PLIN3: variants seen among roughly 807,000 people sequenced by gnomAD.
The protein encoded by PLIN3 is perilipin 3, also known as perilipin-3.
Under a neutral mutation model 35.9 loss-of-function variants are expected in PLIN3, and 30 were observed. The ratio of observed to expected loss-of-function variants is 0.84; its 90% confidence interval spans 0.62 to 1.13. PLIN3 has a LOEUF of 1.13. PLIN3 is among the 50% of genes most tolerant of loss of function. PLIN3 has a pLI of 0.00. For synonymous variants in PLIN3, 261 were observed against 262.5 expected, an observed-to-expected ratio of 0.99 and a Z score of 0.06; for missense variants, 603 against 596.9, an observed-to-expected ratio of 1.01 and a Z score of -0.11.
chr19:4,844,695 G>A lies in PLIN3; in HGVS notation c.933C>T (p.Gly311=). 6.2e-7 allele frequency: 1 copy of A among 1,609,550 alleles called. No homozygotes were observed. Among genetic ancestry groups the A allele is most frequent in the African/African-American group, 1.3e-5 (1 of 74,938 alleles). ...CTGGCTTGGGCGGCTCCTTCTCGGGGCCCTGGAGCTGCTTCTGGTTCCAGC... is the reference window on the plus strand; with the variant it reads ...CTGGCTTGGGCGGCTCCTTCTCGGGACCCTGGAGCTGCTTCTGGTTCCAGC... ...WLSWNQKQLQ[G]PEKEPPKPEQ... is the part of the protein sequence containing the mutation. Residue 311 remains glycine (G), a synonymous_variant, in exon 7 of 8, where the codon GGC becomes GGT. Coordinates refer to ENST00000221957, the MANE Select transcript of PLIN3 (RefSeq NM_005817.5).
At chr19:4,840,342 C>T (rs554731973) in intron 7 of PLIN3, among the ~76,000 whole-genome samples, 5 of 152,208 alleles carry the variant, frequency 3.3e-5, no homozygotes, top group Admixed American at 1.3e-4. Flanking sequence ...TAGCTTACTA[C>T]AGCCTGTAAC....
intron 6 of PLIN3, among the ~76,000 whole-genome samples, chr19:4,845,243 T>C (rs1354742162): frequency 1.3e-5 from 2 of 151,888 alleles, no homozygotes; most frequent in Non-Finnish European, 2.9e-5. Context: ...CTAACCAACA[T>C]GGTGAAACCC....
In PLIN3 at chr19:4,865,007, T is replaced by C. The variant is rs546470968; in HGVS notation, c.-18+2602A>G. ...GAGTTCAAGAGCAGCCTGGCCAACA[T>C]ACTGAAACACTGTCTCTACTAAAAA... On this transcript the variant is annotated intron_variant, in intron 1 of 7. Coordinates refer to ENST00000221957, the MANE Select transcript of PLIN3 (RefSeq NM_005817.5). Among the ~76,000 whole-genome samples, 16 of 151,730 alleles carry C rather than the reference T, an allele frequency of 1.1e-4. No individual in the cohort carries two copies. The South Asian group carries it at 3.3e-3, about 32-fold the overall frequency.
At chr19:4,840,354 C>G (rs1568371508) in intron 7 of PLIN3, among the ~76,000 whole-genome samples, 1 of 152,012 alleles carries the variant, frequency 6.6e-6, no homozygotes, top group African/African-American at 2.4e-5. Flanking sequence ...GCCTGTAACT[C>G]CTGAGCTCAA....
At chr19:4,844,238 C>A (rs544485974) in intron 7 of PLIN3, among the ~76,000 whole-genome samples, 1 of 152,016 alleles carries the variant, frequency 6.6e-6, no homozygotes, top group South Asian at 2.1e-4. Flanking sequence ...CTGGGCAGGG[C>A]GGATCACTTG....
chr19:4,863,100 T>A (rs995621043), intron 1 of PLIN3, among the ~76,000 whole-genome samples: 2 of 151,886 alleles, frequency 1.3e-5, no homozygotes, highest in Non-Finnish European at 2.9e-5. Context: ...GAGGTTGCAG[T>A]GAGGTGAGAT....
At chr19:4,866,274 T>TC (rs1378665833) in intron 1 of PLIN3, among the ~76,000 whole-genome samples, 2 of 152,240 alleles carry the variant, frequency 1.3e-5, no homozygotes, top group South Asian at 2.1e-4. Flanking sequence ...CACCTCAGCC[T>TC]CCCAAAGTGC....
intron 6 of PLIN3, among the ~76,000 whole-genome samples, chr19:4,847,074 G>A (rs1384709290): frequency 6.6e-6 from 1 of 151,868 alleles, no homozygotes; most frequent in Non-Finnish European, 1.5e-5. Context: ...ATTTTTAGTA[G>A]AGATGGGGTT....
intron 1 of PLIN3, among the ~76,000 whole-genome samples, chr19:4,864,918 A>C (rs2030800266): frequency 6.6e-6 from 1 of 152,090 alleles, no homozygotes; most frequent in Non-Finnish European, 1.5e-5. Flanking sequence ...AGGGTCGGGC[A>C]TGGTGGCTCA....
chr19:4,863,497 CAAAAA>C (rs57974543), intron 1 of PLIN3, among the ~76,000 whole-genome samples: 3 of 119,998 alleles, frequency 2.5e-5, no homozygotes, highest in Admixed American at 9.1e-5. Context: ...AACTCTGTCT[CAAAAA>C]AAAAAAAAAA....
chr19:4,840,787 G>C (rs72981884), intron 7 of PLIN3, among the ~76,000 whole-genome samples: 8,800 of 152,134 alleles, frequency 0.058, 391 homozygotes, highest in Middle Eastern at 0.13. Context: ...TTCTACTAAA[G>C]ATACAAAATT....
Position 4,838,576 on chromosome 19 carries a change from T to C in PLIN3, c.*616A>G, listed in dbSNP as rs911881333. On this transcript the variant is annotated 3_prime_UTR_variant, in exon 8 of 8. Coordinates refer to ENST00000221957, the MANE Select transcript of PLIN3 (RefSeq NM_005817.5). Reference sequence around the variant, plus strand: ...GGGATATGAACTATATCCCTGATTTTTTTTTCTTTTTTTTTTTTTTTGAGA... The same window carrying C: ...GGGATATGAACTATATCCCTGATTTCTTTTTCTTTTTTTTTTTTTTTGAGA... The C allele has an allele frequency of 7.5e-6, 1 of 133,056 alleles. No homozygotes were observed. The highest frequency in any genetic ancestry group is 1.7e-5 in the Non-Finnish European group (1 of 59,974). The allele number at this position is 133,056 out of a possible 1,614,324, so 8.2% of individuals were successfully genotyped here. A position where few individuals can be genotyped will look rare whatever the true frequency, so the allele number is the denominator to read the frequency against.
rs770271841 is a variant in PLIN3 at position 4,847,764 on chromosome 19, G to A, written c.761C>T (p.Ser254Leu). 29 of 1,613,116 alleles carry A rather than the reference G, an allele frequency of 1.8e-5. No homozygotes were observed. The highest frequency in any genetic ancestry group is 1.3e-4 in the Admixed American group (8 of 59,846). ...CTTGGTGGCTCGAAGCTTGCCCAGC[G>A]AGTGCTCATAGGCGTGCTGCCGCAG... is the stretch of plus-strand genomic sequence containing the variant. ...ERLRQHAYEH[S>L]LGKLRATKQR... Residue 254 changes from serine to leucine, a missense_variant, in exon 6 of 8, where the codon TCG becomes TTG. Transcript: ENST00000221957.
In PLIN3 at chr19:4,865,472, G is replaced by A. The variant is rs1271782721; in HGVS notation, c.-18+2137C>T. The stretch of plus-strand genomic sequence containing the variant: ...CCACTGCACTCCAGCCCGGGTGACA[G>A]AGGGAGACTCCGTTTCAAAAAAAAA... On this transcript the variant is annotated intron_variant, in intron 1 of 7. Coordinates refer to ENST00000221957, the MANE Select transcript of PLIN3 (RefSeq NM_005817.5). 2.0e-5 allele frequency among the ~76,000 whole-genome samples: 3 copies of A among 150,662 alleles called. No homozygotes were observed. The South Asian group carries it at 6.3e-4, about 32-fold the overall frequency.
At position 4,839,161 on chromosome 19, in the gene PLIN3, G is replaced by C. The variant is rs751658341; in HGVS notation, c.*31C>G. The C allele has an allele frequency of 6.5e-7, 1 of 1,541,750 alleles. No individual in the cohort carries two copies. The highest frequency in any genetic ancestry group is 8.8e-7 in the Non-Finnish European group (1 of 1,130,198). ...CTCCAGAGCACAGCTGCATTATAGA[G>C]ACGGGGCCCGCTGAGTCCTCTCCTC... On this transcript the variant is annotated 3_prime_UTR_variant, in exon 8 of 8. Coordinates refer to ENST00000221957, the MANE Select transcript of PLIN3 (RefSeq NM_005817.5).
chr19:4,851,448 G>A (rs12980651), intron 5 of PLIN3, among the ~76,000 whole-genome samples: 88,553 of 151,928 alleles, frequency 0.58, 26,127 homozygotes, highest in South Asian at 0.64. Flanking sequence ...TAGGTGACAG[G>A]GCGAGACTCT....
At chr19:4,863,634 C>T (rs1158606312) in intron 1 of PLIN3, among the ~76,000 whole-genome samples, 2 of 151,614 alleles carry the variant, frequency 1.3e-5, no homozygotes, top group African/African-American at 4.8e-5. Context: ...GCCTGGCCAA[C>T]ATGGCAAAAC....
chr19:4,843,677 A>T lies in PLIN3; in HGVS notation c.960+991T>A, dbSNP rs1457678113. On this transcript the variant is annotated intron_variant, in intron 7 of 7. Transcript: ENST00000221957. ...TGAGATCCTGTCTCTACTAAAAATT[A>T]AAAAAAAAATTAGCCAGGCATCGTG... Among the ~76,000 whole-genome samples the T allele has an allele frequency of 2.0e-5, 3 of 149,324 alleles. No individual in the cohort carries two copies. The East Asian group carries it at 5.9e-4, about 29-fold the overall frequency.
intron 1 of PLIN3, chr19:4,866,830 C>G (rs568321160): frequency 6.6e-6 from 1 of 152,414 alleles, no homozygotes; most frequent in South Asian, 2.1e-4. Context: ...GCAAGGGTGG[C>G]CATGGCAGAT....
Sources: allele counts gnomAD v4.1 joint callset (sites outside exome capture counted in the v4.1 genomes callset), GRCh38; gene constraint gnomAD v4.1.1; transcripts MANE v1.5; gene names NCBI Gene and HGNC (gene_info 2026-07-23, HGNC 2026-07-21).